Variants in RREB1 observed in about 807,000 individuals in gnomAD.
RREB1 encodes the protein ras responsive element binding protein 1, also known as ras-responsive element-binding protein 1.
In RREB1, 27 loss-of-function variants were observed where a neutral mutation model predicts 117.8. The observed-to-expected ratio is 0.23, with a 90% CI of 0.17 to 0.32. The LOEUF (loss-of-function observed/expected upper bound fraction) is 0.32. Among genes scored for constraint, RREB1 ranks in the 10% least tolerant of loss-of-function variants. RREB1 has a pLI of 1.00. For synonymous variants in RREB1, 1,298 were observed against 1,026.7 expected (o/e 1.26, Z -5.05); for missense variants, 2,577 against 2,378.2 (o/e 1.08, Z -1.74).
intron 10 of RREB1, among the ~76,000 whole-genome samples, chr6:7,232,203 C>T (rs1768034971): frequency 1.3e-5 from 2 of 152,170 alleles, no homozygotes; most frequent in Admixed American, 6.5e-5. Flanking sequence ...CTCATGGCGT[C>T]GCCTCATCCC....
chr6:7,149,775 G>A (rs1055775302), intron 1 of RREB1, among the ~76,000 whole-genome samples: 1 of 152,088 alleles, frequency 6.6e-6, no homozygotes, highest in East Asian at 1.9e-4. Flanking sequence ...GCAACCTGGC[G>A]CCTCCCAGGT....
At chr6:7,178,144 G>A (rs1443012982) in intron 2 of RREB1, among the ~76,000 whole-genome samples, 1 of 152,170 alleles carries the variant, frequency 6.6e-6, no homozygotes, top group East Asian at 1.9e-4. Context: ...ACAGGTGTGA[G>A]CCACCACACC....
intron 8 of RREB1, chr6:7,213,729 G>A (rs1766743479): frequency 6.6e-6 from 1 of 152,310 alleles, no homozygotes; most frequent in South Asian, 2.1e-4. Flanking sequence ...ACAGCACAGG[G>A]GACCCCAGCT....
At chr6:7,218,882 C>T (rs1202395511) in intron 8 of RREB1, 1 of 147,698 alleles carries the variant, frequency 6.8e-6, no homozygotes, top group Non-Finnish European at 1.5e-5. Flanking sequence ...CATTTGCTGT[C>T]AGAAGAACAG....
chr6:7,188,213 G>A (rs924590656), intron 5 of RREB1, among the ~76,000 whole-genome samples: 2 of 129,910 alleles, frequency 1.5e-5, no homozygotes, highest in Non-Finnish European at 3.3e-5. Context: ...AAATAGAATC[G>A]CTCCCCCCCA....
chr6:7,162,146 A>G (rs749388307), intron 1 of RREB1, among the ~76,000 whole-genome samples: 10 of 152,160 alleles, frequency 6.6e-5, no homozygotes, highest in Non-Finnish European at 1.3e-4. Flanking sequence ...TTTCATGGAC[A>G]AGACACACAA....
rs532602680 is a variant in RREB1, at chr6:7,159,455, G to T, written c.-284-17200G>T. On this transcript the variant is annotated intron_variant, in intron 1 of 12. Coordinates refer to ENST00000379938, the MANE Select transcript of RREB1 (RefSeq NM_001003699.4). ...GGCTCACAAGGATGTCTCCCCTCTC[G>T]TTCCTTTCCAGAGGATGAGTTCTGT... Among the ~76,000 whole-genome samples, 66 of 152,280 alleles carry T rather than the reference G, an allele frequency of 4.3e-4. 3 individuals carry two copies. Among genetic ancestry groups the T allele is most frequent in the African/African-American group, 1.5e-3 (63 of 41,556 alleles).
At chr6:7,175,421 G>A in intron 1 of RREB1, among the ~76,000 whole-genome samples, 1 of 152,164 alleles carries the variant, frequency 6.6e-6, no homozygotes, top group East Asian at 1.9e-4. Context: ...CCCTTCTGTG[G>A]CACAGGGTCC....
At chr6:7,122,702 C>T (rs1761729756) in intron 1 of RREB1, among the ~76,000 whole-genome samples, 1 of 152,168 alleles carries the variant, frequency 6.6e-6, no homozygotes, top group Non-Finnish European at 1.5e-5. Flanking sequence ...TGGACTTAAG[C>T]GTATTTTTGA....
chr6:7,216,014 C>T (rs2151942), intron 8 of RREB1: 80,560 of 152,110 alleles, frequency 0.53, 22,529 homozygotes, highest in East Asian at 0.8. Flanking sequence ...GGGTGAAACT[C>T]GGCCAAAGTT....
rs1179380615 is a variant in RREB1, at chr6:7,250,415, G to A, written c.*1447G>A. ...CACACCCCTGGATGCAAAAAGGCAG[G>A]GTTATTTTTACCCATGAGCATCCTG... On this transcript the variant is annotated 3_prime_UTR_variant, in exon 13 of 13. Coordinates refer to ENST00000379938, the MANE Select transcript of RREB1 (RefSeq NM_001003699.4). The A allele has an allele frequency of 6.6e-6, 1 of 152,078 alleles. No homozygotes were observed. The highest frequency in any genetic ancestry group is 6.5e-5 in the Admixed American group (1 of 15,276). The allele number at this position is 152,078 out of a possible 1,614,324, so 9.4% of individuals were successfully genotyped here. A position where few individuals can be genotyped will look rare whatever the true frequency, so the allele number is the denominator to read the frequency against.
intron 1 of RREB1, among the ~76,000 whole-genome samples, chr6:7,128,332 G>C (rs1762019775): frequency 1.3e-5 from 2 of 152,146 alleles, no homozygotes; most frequent in Admixed American, 6.5e-5. Flanking sequence ...GTAGGATTCT[G>C]GTAAGCTGAA....
chr6:7,200,021 GAA>G (rs1040202389), intron 6 of RREB1, among the ~76,000 whole-genome samples: 1 of 152,160 alleles, frequency 6.6e-6, no homozygotes, highest in Admixed American at 6.5e-5. Flanking sequence ...AAAAGTGTAA[GAA>G]AATTATCAAA....
At chr6:7,159,228 T>A (rs1254703962) in intron 1 of RREB1, among the ~76,000 whole-genome samples, 1 of 152,096 alleles carries the variant, frequency 6.6e-6, no homozygotes, top group Non-Finnish European at 1.5e-5. Context: ...TGTGACCCCT[T>A]TGAGGTTCCT....
intron 1 of RREB1, among the ~76,000 whole-genome samples, chr6:7,125,170 G>C (rs1048910639): frequency 6.6e-6 from 1 of 152,186 alleles, no homozygotes; most frequent in Non-Finnish European, 1.5e-5. Flanking sequence ...TTGCAAAAGT[G>C]GTGTTAGTAC....
chr6:7,202,171 T>G (rs541874543), intron 6 of RREB1, among the ~76,000 whole-genome samples: 2 of 152,166 alleles, frequency 1.3e-5, no homozygotes, highest in East Asian at 1.9e-4. Context: ...CTACGCTGCT[T>G]CTTGCACTCG....
At chr6:7,221,831 G>A (rs1247949593) in intron 8 of RREB1, among the ~76,000 whole-genome samples, 1 of 152,204 alleles carries the variant, frequency 6.6e-6, no homozygotes, top group Non-Finnish European at 1.5e-5. Flanking sequence ...TGAGAAGAGA[G>A]AACATGTTCC....
chr6:7,197,658 T>G (rs1356162206), intron 6 of RREB1, among the ~76,000 whole-genome samples: 1 of 152,176 alleles, frequency 6.6e-6, no homozygotes, highest in Non-Finnish European at 1.5e-5. Flanking sequence ...AAAGCAAGAC[T>G]TTGCCTCAAA....
At chr6:7,164,655 A>C (rs1763838305) in intron 1 of RREB1, among the ~76,000 whole-genome samples, 1 of 152,202 alleles carries the variant, frequency 6.6e-6, no homozygotes, top group East Asian at 1.9e-4. Flanking sequence ...TGCTATACTG[A>C]GTCCTGGATA....
Sources: gnomAD v4.1 joint callset for allele counts (sites outside exome capture counted in the v4.1 genomes callset) on GRCh38, gnomAD v4.1.1 for gene constraint, MANE v1.5 for transcripts, NCBI Gene and HGNC (gene_info 2026-07-23, HGNC 2026-07-21) for gene names.